HACD3: variants seen among roughly 807,000 people sequenced by gnomAD.
The protein encoded by HACD3 is 3-hydroxyacyl-CoA dehydratase 3.
HACD3 carries 30 observed loss-of-function variants against 55.2 expected under a neutral mutation model. The observed-to-expected ratio is 0.54, with a 90% confidence interval of 0.41 to 0.74. The LOEUF (loss-of-function observed/expected upper bound fraction) is 0.74. Among genes scored for constraint, HACD3 ranks in the 30% least tolerant of loss-of-function variants. HACD3 has a pLI of 0.00. For synonymous variants in HACD3, 141 were observed against 151.7 expected (o/e 0.93, Z 0.52); for missense variants, 363 against 440.1 (o/e 0.82, Z 1.57).
chr15:65,546,061 T>C (rs987485100), intron 1 of HACD3, among the ~76,000 whole-genome samples: 3 of 152,206 alleles, frequency 2.0e-5, no homozygotes, highest in African/African-American at 7.2e-5. Flanking sequence ...TGGTCTTAGC[T>C]GAACTACCAA....
At chr15:65,564,502 CT>C (rs1240166371) in intron 7 of HACD3, 160 bp downstream of exon 7, 3 of 916,066 alleles carry the variant, frequency 3.3e-6, no homozygotes, top group Non-Finnish European at 4.7e-6. Context: ...TTCCATGTGG[CT>C]GGGAAGGTCT....
chr15:65,552,687 TA>T (rs946359806), intron 2 of HACD3, among the ~76,000 whole-genome samples: 10 of 151,670 alleles, frequency 6.6e-5, no homozygotes, highest in African/African-American at 2.4e-4. Flanking sequence ...CTTTTTTTTT[TA>T]AATTTATTAT....
chr15:65,544,168 C>G (rs887585618), intron 1 of HACD3, among the ~76,000 whole-genome samples: 1 of 151,814 alleles, frequency 6.6e-6, no homozygotes, highest in Non-Finnish European at 1.5e-5. Flanking sequence ...CAGAGCGGGA[C>G]TCCATCTCAA....
chr15:65,532,499 C>T (rs924549208), intron 1 of HACD3, among the ~76,000 whole-genome samples: 2 of 151,956 alleles, frequency 1.3e-5, no homozygotes, highest in African/African-American at 2.4e-5. Context: ...GTGGTGCATG[C>T]GTGTAATTCA....
At chr15:65,573,317 C>A (rs775676913) in intron 10 of HACD3, among the ~76,000 whole-genome samples, 8 of 151,980 alleles carry the variant, frequency 5.3e-5, no homozygotes, top group Middle Eastern at 3.4e-3. Context: ...TTGTTAAATT[C>A]TTATTAGAGG....
chr15:65,573,030 C>T (rs950331305), intron 10 of HACD3, among the ~76,000 whole-genome samples: 12 of 150,846 alleles, frequency 8.0e-5, no homozygotes, highest in Non-Finnish European at 1.5e-5. Context: ...TATTCCTCAT[C>T]CAGAGTTTAT....
intron 4 of HACD3, 51 bp from the exon 5 acceptor site, chr15:65,558,629 C>A: frequency 1.3e-6 from 2 of 1,525,328 alleles, no homozygotes; most frequent in Non-Finnish European, 1.8e-6. Context: ...CTTTTGCAAG[C>A]ATCTGGGAAT....
intron 5 of HACD3, 100 bp downstream of exon 5, chr15:65,558,831 G>C: frequency 7.2e-7 from 1 of 1,395,566 alleles, no homozygotes; most frequent in Non-Finnish European, 9.9e-7. Context: ...ATTTCATCCC[G>C]GTGAGCTGTG....
intron 10 of HACD3, among the ~76,000 whole-genome samples, chr15:65,575,889 T>C (rs746692029): frequency 6.6e-6 from 1 of 152,174 alleles, no homozygotes; most frequent in Non-Finnish European, 1.5e-5. Flanking sequence ...GGTCAGGAGT[T>C]TGAGACTAGC....
intron 1 of HACD3, among the ~76,000 whole-genome samples, chr15:65,537,403 G>A (rs900178263): frequency 9.9e-5 from 15 of 152,126 alleles, no homozygotes; most frequent in African/African-American, 3.4e-4. Flanking sequence ...TCAAAGGACA[G>A]TCTGACTCTT....
intron 4 of HACD3, among the ~76,000 whole-genome samples, chr15:65,558,103 G>T (rs1408780163): frequency 1.3e-4 from 20 of 152,106 alleles, no homozygotes; most frequent in Non-Finnish European, 1.3e-4. Context: ...TGGGTGCCGG[G>T]TATGCTCATT....
chr15:65,546,329 G>A (rs1376902193), intron 1 of HACD3, among the ~76,000 whole-genome samples: 1 of 151,972 alleles, frequency 6.6e-6, no homozygotes, highest in Admixed American at 6.6e-5. Flanking sequence ...TAGATAATAT[G>A]GAATTATTGT....
Position 65,558,691 on chromosome 15 carries a change from C to G in HACD3, c.381C>G (p.Arg127=). The change falls in exon 5 of 11, where the codon CGC becomes CGG. Residue 127 remains arginine (R), a synonymous_variant. Coordinates refer to ENST00000261875, the MANE Select transcript of HACD3 (RefSeq NM_016395.4). ...EMELRAKEEE[R]LNKLRLESEG... The stretch of plus-strand genomic sequence containing the variant: ...TGTCTAAATTCTAGGAAGAAGAGCG[C>G]CTAAATAAACTCCGACTGGAAAGCG... 6.3e-7 allele frequency: 1 copy of G among 1,598,712 alleles called. No individual in the cohort carries two copies. The highest frequency in any genetic ancestry group is 8.5e-7 in the Non-Finnish European group (1 of 1,172,398).
At chr15:65,566,963 C>T (rs536499765) in intron 7 of HACD3, 1 of 152,250 alleles carries the variant, frequency 6.6e-6, no homozygotes, top group African/African-American at 2.4e-5. Flanking sequence ...GGTCTCCTCC[C>T]ACCTTGTGTA....
At chr15:65,570,017 T>G in intron 7 of HACD3, 74 bp from the exon 8 acceptor site, 1 of 1,011,426 alleles carries the variant, frequency 9.9e-7, no homozygotes, top group Non-Finnish European at 1.4e-6. Context: ...TGGGGTTAGA[T>G]TTCAGATAAC....
intron 5 of HACD3, among the ~76,000 whole-genome samples, chr15:65,562,127 A>G (rs554808667): frequency 5.9e-5 from 9 of 152,314 alleles, no homozygotes; most frequent in African/African-American, 1.9e-4. Context: ...TTCATCGGAT[A>G]GGCATGACTG....
intron 2 of HACD3, among the ~76,000 whole-genome samples, chr15:65,554,014 T>G (rs1053929405): frequency 6.6e-6 from 1 of 152,200 alleles, no homozygotes; most frequent in Admixed American, 6.5e-5. Context: ...CTGCGAAAGA[T>G]TGTATTTCTT....
chr15:65,575,784 GAAAA>G (rs2072395180), intron 10 of HACD3, among the ~76,000 whole-genome samples: 1 of 152,052 alleles, frequency 6.6e-6, no homozygotes. Context: ...TTTTATAAGA[GAAAA>G]AAATGTTTTA....
rs1567342652 is a variant in HACD3 at position 65,576,536 on chromosome 15, T to C, written c.*157T>C. 21 of 774,868 alleles carry C rather than the reference T, an allele frequency of 2.7e-5. No homozygotes were observed. Among genetic ancestry groups the C allele is most frequent in the Non-Finnish European group, 3.2e-5 (16 of 497,118 alleles). The allele number at this position is 774,868 out of a possible 1,614,324, so 48.0% of individuals were successfully genotyped here. A position where few individuals can be genotyped will look rare whatever the true frequency, so the allele number is the denominator to read the frequency against. On this transcript the variant is annotated 3_prime_UTR_variant, in exon 11 of 11. Transcript: ENST00000261875. ...CCCAGTAACATTCCTGAATTTACTG[T>C]TATCTTATTGTAGTACTTGCATGAC...
Sources: allele counts gnomAD v4.1 joint callset (sites outside exome capture counted in the v4.1 genomes callset), GRCh38; gene constraint gnomAD v4.1.1; transcripts MANE v1.5; gene names NCBI Gene and HGNC (gene_info 2026-07-23, HGNC 2026-07-21).